PTPRN2: variants seen among roughly 807,000 people sequenced by gnomAD.
PTPRN2 encodes the protein receptor-type tyrosine-protein phosphatase N2.
PTPRN2 carries 74 observed loss-of-function variants against 118.8 expected under a neutral mutation model. The observed-to-expected ratio is 0.62, with a 90% CI of 0.52 to 0.76. PTPRN2 has a LOEUF of 0.76. PTPRN2 is among the 30% of genes least tolerant of loss of function. PTPRN2 has a pLI of 0.00. For synonymous variants in PTPRN2, 641 were observed against 608.0 expected (o/e 1.05, Z -0.80); for missense variants, 1,481 against 1,394.4 (o/e 1.06, Z -0.99).
chr7:157,545,069 ATGGGTGTGTGTG>A (rs920683588), intron 22 of PTPRN2, among the ~76,000 whole-genome samples: 1 of 123,178 alleles, frequency 8.1e-6, no homozygotes, highest in Non-Finnish European at 1.7e-5. Flanking sequence ...TGCAGTGTGC[ATGGGTGTGTGTG>A]TGGGTGTGCA....
chr7:158,262,510 ACACACATT>A (rs1379922982), intron 3 of PTPRN2, among the ~76,000 whole-genome samples: 10 of 149,062 alleles, frequency 6.7e-5, no homozygotes, highest in Non-Finnish European at 1.2e-4. Flanking sequence ...CACACACTGC[ACACACATT>A]CACACACTGC....
chr7:157,964,109 C>T lies in PTPRN2; in HGVS notation c.1724-65372G>A, dbSNP rs10267508. ...GAGGCTGTTGAGGGCACGACCACCT[C>T]GCAGTGACCTCCCTCTGTGTGGGAC... On this transcript the variant is annotated intron_variant, in intron 11 of 22. Coordinates refer to ENST00000389418, the MANE Select transcript of PTPRN2 (RefSeq NM_002847.5). This position sits in a 1 kb window ranked among gnomAD's most constrained non-coding sequence, Gnocchi z 9.0. 0.052 allele frequency among the ~76,000 whole-genome samples: 7,920 copies of T among 152,234 alleles called. 653 individuals carry two copies. The highest frequency in any genetic ancestry group is 0.18 in the African/African-American group (7,287 of 41,500).
At chr7:158,485,059 G>A (rs1820907964) in intron 2 of PTPRN2, among the ~76,000 whole-genome samples, 1 of 152,128 alleles carries the variant, frequency 6.6e-6, no homozygotes, top group Admixed American at 6.5e-5. Flanking sequence ...GCGGAGGGAA[G>A]GCAGACACCC....
chr7:158,395,362 G>C (rs1337451323), intron 2 of PTPRN2, among the ~76,000 whole-genome samples: 1 of 2,900 alleles, frequency 3.4e-4, no homozygotes, highest in African/African-American at 1.7e-3. Flanking sequence ...GGCCAGGGGC[G>C]AGGGGCGAGG....
intron 12 of PTPRN2, among the ~76,000 whole-genome samples, chr7:157,891,495 C>A (rs1796804603): frequency 1.3e-5 from 2 of 148,958 alleles, no homozygotes; most frequent in South Asian, 2.2e-4. Context: ...CCCCACCCCC[C>A]ATCCCAGGTA....
At chr7:158,579,331 A>T (rs1828509292) in intron 1 of PTPRN2, among the ~76,000 whole-genome samples, 1 of 152,244 alleles carries the variant, frequency 6.6e-6, no homozygotes, top group Non-Finnish European at 1.5e-5. Flanking sequence ...AACAATAACA[A>T]TATTCCATCC....
intron 11 of PTPRN2, among the ~76,000 whole-genome samples, chr7:158,071,479 T>TGC (rs1394647944): frequency 7.6e-6 from 1 of 130,858 alleles, no homozygotes; most frequent in Non-Finnish European, 1.6e-5. Context: ...GTGGTGGAGG[T>TGC]TCTCATGGTG....
At chr7:158,258,771 C>T (rs556289805) in intron 3 of PTPRN2, among the ~76,000 whole-genome samples, 1 of 152,230 alleles carries the variant, frequency 6.6e-6, no homozygotes, top group South Asian at 2.1e-4. Flanking sequence ...TTTGTTTTGG[C>T]CTATTTGTTG....
chr7:157,761,033 A>G (rs1482191498), intron 12 of PTPRN2, among the ~76,000 whole-genome samples: 3 of 151,658 alleles, frequency 2.0e-5, no homozygotes, highest in African/African-American at 7.3e-5. Flanking sequence ...TAGGAATCCA[A>G]CTTACAAGGG....
intron 10 of PTPRN2, among the ~76,000 whole-genome samples, chr7:158,108,728 GT>G (rs1815904009): frequency 6.6e-6 from 1 of 152,184 alleles, no homozygotes; most frequent in Admixed American, 6.5e-5. Context: ...TCTCATGCAT[GT>G]CCCCTAGTGC....
At chr7:157,567,031 T>C (rs1799520349) in intron 21 of PTPRN2, among the ~76,000 whole-genome samples, 1 of 152,148 alleles carries the variant, frequency 6.6e-6, no homozygotes, top group Non-Finnish European at 1.5e-5. Flanking sequence ...CTGAAGACAT[T>C]TTGGTTTAAG....
chr7:157,697,538 T>C (rs1797854613), intron 12 of PTPRN2, among the ~76,000 whole-genome samples: 5 of 134,718 alleles, frequency 3.7e-5, no homozygotes, highest in Admixed American at 1.4e-4. Flanking sequence ...TACTGGATCT[T>C]GGCAGAGCCC....
chr7:158,331,373 C>CAA, intron 2 of PTPRN2, among the ~76,000 whole-genome samples: 1 of 140,202 alleles, frequency 7.1e-6, no homozygotes, highest in African/African-American at 2.9e-5. Context: ...CTGACACCCG[C>CAA]AGAAGTCACT....
At chr7:157,824,294 G>T (rs1384614401) in intron 12 of PTPRN2, among the ~76,000 whole-genome samples, 1 of 152,190 alleles carries the variant, frequency 6.6e-6, no homozygotes, top group African/African-American at 2.4e-5. Context: ...TAGGGCAGGG[G>T]GCGAGCTTGT....
chr7:158,486,701 G>A (rs1821057256), intron 2 of PTPRN2, among the ~76,000 whole-genome samples: 1 of 152,222 alleles, frequency 6.6e-6, no homozygotes, highest in South Asian at 2.1e-4. Flanking sequence ...CCTTACAGCT[G>A]AAGCATTCGA....
chr7:158,147,540 C>T (rs1204126495), intron 6 of PTPRN2, among the ~76,000 whole-genome samples: 9 of 137,628 alleles, frequency 6.5e-5, no homozygotes, highest in African/African-American at 2.0e-4. Context: ...CCCCATCTCA[C>T]GCCACGTGTC....
intron 11 of PTPRN2, among the ~76,000 whole-genome samples, chr7:157,966,422 A>G (rs757078482): frequency 6.6e-6 from 1 of 151,870 alleles, no homozygotes; most frequent in Non-Finnish European, 1.5e-5. Context: ...CATCTTTATC[A>G]TCACCTTTAT....
At chr7:158,061,490 G>C (rs534795850) in intron 11 of PTPRN2, among the ~76,000 whole-genome samples, 1 of 151,900 alleles carries the variant, frequency 6.6e-6, no homozygotes, top group East Asian at 1.9e-4. Flanking sequence ...CAATGCACTC[G>C]GCGCTGAACC....
At chr7:157,670,244 CG>C (rs974102141) in intron 13 of PTPRN2, among the ~76,000 whole-genome samples, 1 of 152,172 alleles carries the variant, frequency 6.6e-6, no homozygotes, top group Admixed American at 6.5e-5. Flanking sequence ...AAGGCACGTA[CG>C]GGCTCACGGG....
Sources: allele counts gnomAD v4.1 joint callset (sites outside exome capture counted in the v4.1 genomes callset), GRCh38; gene constraint gnomAD v4.1.1; non-coding constraint Gnocchi (gnomAD v3.1); transcripts MANE v1.5; gene names NCBI Gene and HGNC (gene_info 2026-07-23, HGNC 2026-07-21).